FBN1: variants seen among roughly 807,000 people sequenced by gnomAD.
FBN1 encodes the protein fibrillin 1, also known as fibrillin-1.
In FBN1, 29 loss-of-function variants were observed where a neutral mutation model predicts 365.1. That is an observed-to-expected ratio of 0.08 (90% CI 0.06 to 0.11). The LOEUF is 0.11. Among genes scored for constraint, FBN1 ranks in the 10% least tolerant of loss-of-function variants. The pLI, the probability that FBN1 is intolerant of heterozygous loss-of-function variation, is 1.00. For missense variants in FBN1, 2,476 were observed against 3,703.2 expected (o/e 0.67, Z 8.60); for synonymous variants, 1,210 against 1,270.5 (o/e 0.95, Z 1.01).
At chr15:48,463,403 T>C (rs1335494607) in intron 41 of FBN1, among the ~76,000 whole-genome samples, 163 bp from the exon 42 acceptor site, 2 of 152,206 alleles carry the variant, frequency 1.3e-5, no homozygotes, top group African/African-American at 2.4e-5. Context: ...ACTTTCTAGC[T>C]ACCTATGCTG....
At position 48,456,663 on chromosome 15, in the gene FBN1, T is replaced by C. The variant is rs2043240248; in HGVS notation, c.5396A>G (p.Tyr1799Cys). 2 of 1,613,900 alleles carry C rather than the reference T, an allele frequency of 1.2e-6. No homozygotes were observed. Among genetic ancestry groups the C allele is most frequent in the African/African-American group, 1.3e-5 (1 of 74,932 alleles). ...TTCACAAACCAACAACTTGTCATTATAGAAGAATCCCACTGGACATTCACA... is the reference window on the plus strand; with the variant it reads ...TTCACAAACCAACAACTTGTCATTACAGAAGAATCCCACTGGACATTCACA... Reference protein sequence around the residue: ...FRCECPVGFFYNDKLLVCEDI... With the variant: ...FRCECPVGFFCNDKLLVCEDI... The change falls in exon 44 of 66, where the codon TAT becomes TGT. Residue 1799 changes from tyrosine (Y) to cysteine (C), a missense_variant. Tyr to Cys is a radical substitution (Grantham distance 194). Transcript: ENST00000316623.
At chr15:48,544,302 G>A (rs2044079484) in intron 6 of FBN1, among the ~76,000 whole-genome samples, 1 of 152,082 alleles carries the variant, frequency 6.6e-6, no homozygotes, top group South Asian at 2.1e-4. Flanking sequence ...TCTATACAGT[G>A]TTATTAAAAG....
intron 32 of FBN1, among the ~76,000 whole-genome samples, chr15:48,481,168 T>G (rs1352395197): frequency 2.0e-5 from 3 of 152,216 alleles, no homozygotes; most frequent in African/African-American, 7.2e-5. Flanking sequence ...TAATATGACT[T>G]AATACATCAA....
At chr15:48,464,054 T>C (rs2043301612) in intron 40 of FBN1, 33 bp from the exon 41 acceptor site, 3 of 1,611,192 alleles carry the variant, frequency 1.9e-6, no homozygotes, top group Admixed American at 1.7e-5. Context: ...TATGTGAATA[T>C]GAAAACTTCA....
At chr15:48,439,428 C>G (rs1415781150) in intron 50 of FBN1, among the ~76,000 whole-genome samples, 1 of 152,240 alleles carries the variant, frequency 6.6e-6, no homozygotes, top group Non-Finnish European at 1.5e-5. Context: ...TGAGAAACTT[C>G]AAGACTGAAC....
Position 48,409,166 on chromosome 15 carries a change from G to A in FBN1, c.*1824C>T, listed in dbSNP as rs2042841271. 1 of 152,178 alleles carries A rather than the reference G, an allele frequency of 6.6e-6. No homozygotes were observed. The highest frequency in any genetic ancestry group is 2.4e-5 in the African/African-American group (1 of 41,444). The allele number at this position is 152,178 out of a possible 1,614,324, so 9.4% of individuals were successfully genotyped here. A position where few individuals can be genotyped will look rare whatever the true frequency, so the allele number is the denominator to read the frequency against. ...GTGGAAGAAAGCATCTTTGTCCAAT[G>A]GTTGCCATTAAGCCTAGACTGAAAC... On this transcript the variant is annotated 3_prime_UTR_variant, in exon 66 of 66. Coordinates refer to ENST00000316623, the MANE Select transcript of FBN1 (RefSeq NM_000138.5).
At chr15:48,624,626 A>G (rs975525910) in intron 2 of FBN1, among the ~76,000 whole-genome samples, 8 of 152,254 alleles carry the variant, frequency 5.3e-5, no homozygotes, top group African/African-American at 1.9e-4. Context: ...CGATGAGAAC[A>G]TGTTGCCTGT....
intron 31 of FBN1, among the ~76,000 whole-genome samples, chr15:48,483,301 C>G (rs917826719): frequency 5.9e-5 from 9 of 152,252 alleles, no homozygotes; most frequent in Middle Eastern, 3.4e-3. Flanking sequence ...AAAAAATACC[C>G]AAGTCGAACT....
At chr15:48,500,606 T>C (rs1033125484) in intron 17 of FBN1, among the ~76,000 whole-genome samples, 3 of 152,092 alleles carry the variant, frequency 2.0e-5, no homozygotes, top group Admixed American at 1.3e-4. Flanking sequence ...TATAAACACA[T>C]AGTGAGGGGT....
chr15:48,622,548 T>A (rs1007037267), intron 2 of FBN1, among the ~76,000 whole-genome samples: 2 of 152,196 alleles, frequency 1.3e-5, no homozygotes, highest in Non-Finnish European at 2.9e-5. Flanking sequence ...TATCATGTTC[T>A]TTTTTCCTGG....
rs1031957817 is a variant in FBN1 at position 48,438,083 on chromosome 15, A to G, written c.6164-166T>C. On this transcript the variant is annotated intron_variant, in intron 50 of 65. Coordinates refer to ENST00000316623, the MANE Select transcript of FBN1 (RefSeq NM_000138.5). ...TAACTGAGCTGAGATTGTTAAAGTC[A>G]TGGGTATCTTTTGTATAGTGAGATC... 8.5e-5 allele frequency among the ~76,000 whole-genome samples: 13 copies of G among 152,186 alleles called. No individual in the cohort carries two copies. The South Asian group carries it at 1.0e-3, about 12-fold the overall frequency.
intron 57 of FBN1, chr15:48,428,085 C>T: frequency 1.6e-6 from 1 of 632,462 alleles, no homozygotes; most frequent in Non-Finnish European, 2.8e-6. Flanking sequence ...GGAAGTGGAT[C>T]CTGATCACCA....
chr15:48,629,075 C>T (rs539711370), intron 2 of FBN1, among the ~76,000 whole-genome samples: 1 of 152,270 alleles, frequency 6.6e-6, no homozygotes, highest in South Asian at 2.1e-4. Context: ...AAGGACTGGC[C>T]AGTGCTGTTC....
intron 53 of FBN1, among the ~76,000 whole-genome samples, chr15:48,436,286 C>G (rs533573243): frequency 2.6e-5 from 4 of 152,202 alleles, no homozygotes; most frequent in Non-Finnish European, 5.9e-5. Context: ...TAAACTCCCA[C>G]AGCCATAGCT....
intron 6 of FBN1, 112 bp from the exon 7 acceptor site, chr15:48,537,920 G>A (rs1407130450): frequency 1.8e-6 from 2 of 1,114,404 alleles, no homozygotes; most frequent in African/African-American, 1.5e-5. Context: ...TGAATTTCAG[G>A]GACAGAATCA....
chr15:48,491,239 A>G (rs148515027), intron 24 of FBN1, among the ~76,000 whole-genome samples: 136 of 152,332 alleles, frequency 8.9e-4, no homozygotes, highest in African/African-American at 3.0e-3. Context: ...GTTCCATTCC[A>G]TATTATTTAT....
rs760420637 is a variant in FBN1, at chr15:48,495,205, G to T, written c.2595C>A (p.Asn865Lys). 1.9e-6 allele frequency: 3 copies of T among 1,614,186 alleles called. No individual in the cohort carries two copies. Among genetic ancestry groups the T allele is most frequent in the Non-Finnish European group, 2.5e-6 (3 of 1,180,050 alleles). ...GGGACTTTAAGGTGGCTCCATTGAT[G>T]TTGATCTCACATCGCCCATCAATGA... Reference protein sequence around the residue: ...QTVIDGRCEININGATLKSQC... With the variant: ...QTVIDGRCEIKINGATLKSQC... The change falls in exon 22 of 66, where the codon AAC (asparagine) becomes AAA (lysine). Residue 865 changes from asparagine to lysine, a missense_variant. Transcript: ENST00000316623.
intron 9 of FBN1, among the ~76,000 whole-genome samples, chr15:48,521,613 A>G (rs935488869): frequency 6.6e-6 from 1 of 152,212 alleles, no homozygotes; most frequent in African/African-American, 2.4e-5. Context: ...GACATCCGAC[A>G]CACTGCAGCG....
Position 48,614,258 on chromosome 15 carries a change from CA to C in FBN1, c.165-1167del, listed in dbSNP as rs144130131. 1.9e-3 allele frequency among the ~76,000 whole-genome samples: 285 copies of C among 152,320 alleles called. 4 individuals carry two copies. The East Asian group carries it at 0.023, about 12-fold the overall frequency. On this transcript the variant is annotated intron_variant, in intron 2 of 65. Coordinates refer to ENST00000316623, the MANE Select transcript of FBN1 (RefSeq NM_000138.5). Reference sequence around the variant, plus strand: ...TAAGGAAGGTCAAATGTTTTGCAATCAATTTCACAAACTAGGAGCAATTCCA... The same window carrying C: ...TAAGGAAGGTCAAATGTTTTGCAATCATTTCACAAACTAGGAGCAATTCCA...
Sources: gnomAD v4.1 joint callset for allele counts (sites outside exome capture counted in the v4.1 genomes callset) on GRCh38, gnomAD v4.1.1 for gene constraint, MANE v1.5 for transcripts, NCBI Gene and HGNC (gene_info 2026-07-23, HGNC 2026-07-21) for gene names.